Variants in PCDH7 observed in about 807,000 individuals in gnomAD.
The protein encoded by PCDH7 is protocadherin 7.
Under a neutral mutation model 58.9 loss-of-function variants are expected in PCDH7, and 17 were observed. That is an observed-to-expected ratio of 0.29 (90% CI 0.20 to 0.43). PCDH7 has a LOEUF of 0.43. Among genes scored for constraint, PCDH7 ranks in the 20% least tolerant of loss-of-function variants. The pLI is 1.00. For missense variants in PCDH7, 1,274 were observed against 1,441.0 expected (o/e 0.88, Z 1.88); for synonymous variants, 664 against 616.4 (o/e 1.08, Z -1.14).
At chr4:30,930,708 G>C (rs954774551) in intron 2 of PCDH7, among the ~76,000 whole-genome samples, 2 of 152,130 alleles carry the variant, frequency 1.3e-5, no homozygotes, top group African/African-American at 4.8e-5. Context: ...GAGGTGGGTG[G>C]ATTGCTTGTG....
intron 3 of PCDH7, among the ~76,000 whole-genome samples, chr4:31,135,967 A>G (rs1719552895): frequency 6.6e-6 from 1 of 152,224 alleles, no homozygotes; most frequent in African/African-American, 2.4e-5. Context: ...CTTTATATAT[A>G]TTAACACATT....
At chr4:30,971,518 C>G (rs1006652454) in intron 3 of PCDH7, among the ~76,000 whole-genome samples, 2 of 152,194 alleles carry the variant, frequency 1.3e-5, no homozygotes, top group African/African-American at 4.8e-5. Flanking sequence ...GTCCTCAAGC[C>G]ATCTGCATCA....
chr4:30,733,599 G>A (rs1000895258), downstream of PCDH7, among the ~76,000 whole-genome samples: 8 of 152,062 alleles, frequency 5.3e-5, no homozygotes, highest in Admixed American at 2.6e-4. Context: ...ACAGAAAAAT[G>A]ATAGTTTATA....
rs775550649 is a variant in PCDH7 at position 31,122,498 on chromosome 4, G to A, written c.*8-19975G>A. Among the ~76,000 whole-genome samples, 97 of 152,210 alleles carry A rather than the reference G, an allele frequency of 6.4e-4. 2 individuals carry two copies. The highest frequency in any genetic ancestry group is 3.4e-3 in the Middle Eastern group (1 of 294). On this transcript the variant is annotated intron_variant, in intron 3 of 3. Coordinates refer to the PCDH7 transcript ENST00000509759. The stretch of plus-strand genomic sequence containing the variant: ...TTTAGCCTACTTAACATGCAGAGCA[G>A]GAAGCTGTTTTCTAACTTTTCCCCC...
At chr4:30,922,531 AAC>A (rs1258956534) in intron 2 of PCDH7, among the ~76,000 whole-genome samples, 1 of 152,256 alleles carries the variant, frequency 6.6e-6, no homozygotes, top group South Asian at 2.1e-4. Flanking sequence ...ATATATGACA[AAC>A]ACATATCGGT....
intron 3 of PCDH7, among the ~76,000 whole-genome samples, chr4:30,956,967 C>G (rs1199904383): frequency 6.6e-6 from 1 of 152,126 alleles, no homozygotes; most frequent in African/African-American, 2.4e-5. Context: ...TGGAGGTCGG[C>G]ATCCCTTTGT....
chr4:31,089,471 A>G (rs1252097484), intron 3 of PCDH7, among the ~76,000 whole-genome samples: 1 of 151,974 alleles, frequency 6.6e-6, no homozygotes, highest in East Asian at 1.9e-4. Flanking sequence ...AAGCTGGGTA[A>G]GATTGTAAAT....
chr4:31,124,787 C>T (rs187751682), intron 3 of PCDH7, among the ~76,000 whole-genome samples: 300 of 152,236 alleles, frequency 2.0e-3, no homozygotes, highest in Non-Finnish European at 1.9e-3. Flanking sequence ...AGAAGAAACC[C>T]AATTGTGATT....
chr4:31,065,714 T>A (rs1758031222), intron 3 of PCDH7, among the ~76,000 whole-genome samples: 1 of 151,984 alleles, frequency 6.6e-6, no homozygotes, highest in Non-Finnish European at 1.5e-5. Context: ...GTTTTTGTGC[T>A]TTAGTTTATT....
chr4:31,111,762 C>T (rs912605493), intron 3 of PCDH7, among the ~76,000 whole-genome samples: 3 of 152,190 alleles, frequency 2.0e-5, no homozygotes, highest in African/African-American at 7.2e-5. Flanking sequence ...TAACTCGAAA[C>T]CTCTGCAGTG....
chr4:31,063,571 T>G, intron 3 of PCDH7, among the ~76,000 whole-genome samples: 1 of 151,856 alleles, frequency 6.6e-6, no homozygotes. Context: ...TTGAGAAAAC[T>G]CATCCCCCAA....
chr4:30,978,359 C>T (rs2109106489), intron 3 of PCDH7, among the ~76,000 whole-genome samples: 1 of 152,246 alleles, frequency 6.6e-6, no homozygotes. Flanking sequence ...AATACTATTT[C>T]CACACTGAAA....
intron 3 of PCDH7, among the ~76,000 whole-genome samples, chr4:31,140,086 T>C (rs1252460868): frequency 6.6e-6 from 1 of 152,202 alleles, no homozygotes; most frequent in Non-Finnish European, 1.5e-5. Context: ...TTATAGCTGA[T>C]TGGAGATTCA....
Position 30,722,128 on chromosome 4 carries a change from A to G in PCDH7, c.706A>G (p.Asn236Asp). 1 of 1,439,426 alleles carries G rather than the reference A, an allele frequency of 6.9e-7. No homozygotes were observed. The highest frequency in any genetic ancestry group is 9.1e-7 in the Non-Finnish European group (1 of 1,101,600). The allele number at this position is 1,439,426 out of a possible 1,614,324, so 89.2% of individuals were successfully genotyped here. ...CGCATCAGAGGGCGGCGGCGGCACC[A>G]ACCCCGGCGGCCGCAGCAGCGTGTT... Residue 236 changes from asparagine to aspartate, a missense_variant, in exon 1 of 2, where the codon AAC becomes GAC. Asn to Asp is a conservative substitution (Grantham distance 23, BLOSUM62 1). Around this residue, in one of 3 missense-constraint regions of PCDH7, gnomAD observed 331 missense variants for 303.2 expected, o/e 1.09. Coordinates refer to ENST00000361762, the Ensembl canonical transcript of PCDH7. This position sits in a 1 kb window ranked among gnomAD's most constrained non-coding sequence, Gnocchi z 7.6.
intron 3 of PCDH7, among the ~76,000 whole-genome samples, chr4:31,056,070 A>T (rs1170841816): frequency 6.6e-6 from 1 of 152,110 alleles, no homozygotes; most frequent in Non-Finnish European, 1.5e-5. Flanking sequence ...CCAGAAGTGG[A>T]CTTAGAAAAT....
At chr4:31,102,471 C>T (rs1715016418) in intron 3 of PCDH7, among the ~76,000 whole-genome samples, 1 of 152,052 alleles carries the variant, frequency 6.6e-6, no homozygotes. Flanking sequence ...GCCTGTAATT[C>T]CAGCACTTTG....
Position 30,722,703 on chromosome 4 carries a change from C to G in PCDH7, c.1281C>G (p.Asp427Glu). Residue 427 changes from aspartate to glutamate, a missense_variant, in exon 1 of 2, where the codon GAC (aspartate) becomes GAG (glutamate). This residue lies in a region of PCDH7 where 731 missense variants were observed against 881.9 expected (regional missense o/e 0.83). Transcript: ENST00000361762. This position sits in a 1 kb window ranked among gnomAD's most constrained non-coding sequence, Gnocchi z 7.6. ...AGATTGGGCGCATCCCCCTCAAGGA[C>G]GGGGTGGCCAACGTGGCCGAGGACG... 1 of 1,613,568 alleles carries G rather than the reference C, an allele frequency of 6.2e-7. No individual in the cohort carries two copies. Among genetic ancestry groups the G allele is most frequent in the Non-Finnish European group, 8.5e-7 (1 of 1,180,008 alleles).
chr4:30,909,363 T>C (rs141331503), intron 1 of PCDH7, among the ~76,000 whole-genome samples: 182 of 152,296 alleles, frequency 1.2e-3, no homozygotes, highest in Non-Finnish European at 2.3e-3. Flanking sequence ...ATAAATGGTA[T>C]TCAAATAGAA....
chr4:30,746,228 T>TAG (rs1363233623), intron 1 of PCDH7, among the ~76,000 whole-genome samples: 2 of 152,230 alleles, frequency 1.3e-5, no homozygotes, highest in African/African-American at 4.8e-5. Flanking sequence ...ATTATATTTC[T>TAG]ATCTTTTATG....
Sources: allele counts gnomAD v4.1 joint callset (sites outside exome capture counted in the v4.1 genomes callset), GRCh38; gene constraint gnomAD v4.1.1; regional missense constraint gnomAD v4.1.1; non-coding constraint Gnocchi (gnomAD v3.1); transcripts MANE v1.5; gene names NCBI Gene and HGNC (gene_info 2026-07-23, HGNC 2026-07-21).